The following ZNF462 variants were observed in gnomAD, a reference collection of about 807,000 sequenced individuals.
ZNF462 encodes the protein zinc finger PBX1-interacting protein.
Under a neutral mutation model 201.9 loss-of-function variants are expected in ZNF462, and 10 were observed. The ratio of observed to expected loss-of-function variants is 0.05; its 90% CI spans 0.03 to 0.08. The LOEUF (loss-of-function observed/expected upper bound fraction) is 0.08, where lower values mean the gene tolerates loss of function less well. Ranked by LOEUF, ZNF462 falls within the 10% of genes least tolerant of loss-of-function variation. The probability of loss-of-function intolerance (pLI) is 1.00; values close to 1 mark genes in which losing one functional copy is unlikely to be tolerated. For missense variants in ZNF462, 2,523 were observed against 3,168.3 expected (o/e 0.80, Z 4.89); for synonymous variants, 1,227 against 1,193.3 (o/e 1.03, Z -0.58).
At chr9:106,969,842 A>G (rs573434515) in intron 7 of ZNF462, among the ~76,000 whole-genome samples, 16 of 152,296 alleles carry the variant, frequency 1.1e-4, no homozygotes, top group African/African-American at 3.8e-4. Context: ...CTGCAGAGCT[A>G]AGAGTGCAAA....
rs1344766549 is a variant in ZNF462 at position 106,917,725 on chromosome 9, G to C, written c.-30-5629G>C. 6.6e-6 allele frequency among the ~76,000 whole-genome samples: 1 copy of C among 152,132 alleles called. No homozygotes were observed. The highest frequency in any genetic ancestry group is 1.5e-5 in the Non-Finnish European group (1 of 68,028). On this transcript the variant is annotated intron_variant, in intron 1 of 12. Transcript: ENST00000277225. This position sits in a 1 kb window ranked among gnomAD's most constrained non-coding sequence, Gnocchi z 4.5. ...TAGCAAAAAGTATAAACATTTGATAGGTCATTTGAAGACTACATGGTGAGC... is the reference window on the plus strand; with the variant it reads ...TAGCAAAAAGTATAAACATTTGATACGTCATTTGAAGACTACATGGTGAGC...
At position 106,908,903 on chromosome 9, in the gene ZNF462, A is replaced by G. The variant is rs186302386; in HGVS notation, c.-30-14451A>G. Among the ~76,000 whole-genome samples, 297 of 71,236 alleles carry G rather than the reference A, an allele frequency of 4.2e-3. 2 individuals are homozygous for G. Among genetic ancestry groups the G allele is most frequent in the African/African-American group, 0.02 (282 of 14,042 alleles). The allele number at this position is 71,236 out of a possible 152,430, so 46.7% of individuals were successfully genotyped here. A position where few individuals can be genotyped will look rare whatever the true frequency, so the allele number is the denominator to read the frequency against. ...CTGTGAAAGTTGAGAATATTTGCCC[A>G]TATATACATATATATATATATATAT... On this transcript the variant is annotated intron_variant, in intron 1 of 12. Transcript: ENST00000277225.
At position 106,927,941 on chromosome 9, in the gene ZNF462, C is replaced by T. The variant is rs770564720; in HGVS notation, c.4029C>T (p.Thr1343=). Residue 1343 remains threonine (T), a synonymous_variant, in exon 3 of 13, where the codon ACC becomes ACT. Coordinates refer to ENST00000277225, the MANE Select transcript of ZNF462 (RefSeq NM_021224.6). ...ATCCAGAACACTATGTTGATTACAC[C>T]TACATGGCTACTAAACTGTGGGCTG... ...RRHPEHYVDY[T]YMATKLWAGP... is the part of the protein sequence containing the mutation. The T allele has an allele frequency of 6.2e-7, 1 of 1,614,176 alleles. No individual in the cohort carries two copies. The highest frequency in any genetic ancestry group is 8.5e-7 in the Non-Finnish European group (1 of 1,180,044).
rs367596792 is a variant in ZNF462, at chr9:106,932,453, G to A, written c.6020G>A (p.Arg2007His). Residue 2007 changes from arginine (R) to histidine (H), a missense_variant, in exon 5 of 13, where the codon CGT (arginine) becomes CAT (histidine). Coordinates refer to ENST00000277225, the MANE Select transcript of ZNF462 (RefSeq NM_021224.6). The surrounding 1 kb of genome is among the most constrained non-coding windows in gnomAD (Gnocchi z 6.8). ...PAVSAAVKGL[R>H]SHERSHLALA... ...GTCCTGATGTCCATGCAGGGGCTGC[G>A]TTCTCATGAGAGGAGCCACCTGGCC... 6 of 1,614,134 alleles carry A rather than the reference G, an allele frequency of 3.7e-6. No individual in the cohort carries two copies. Among genetic ancestry groups the A allele is most frequent in the African/African-American group, 2.7e-5 (2 of 74,948 alleles).
intron 7 of ZNF462, among the ~76,000 whole-genome samples, chr9:106,969,070 C>T (rs1268599476): frequency 2.0e-5 from 3 of 152,046 alleles, no homozygotes; most frequent in East Asian, 1.9e-4. Flanking sequence ...ACAAATTCCA[C>T]GTGAGCGAGA....
At chr9:106,896,408 A>G (rs1828814924) in intron 1 of ZNF462, among the ~76,000 whole-genome samples, 1 of 152,282 alleles carries the variant, frequency 6.6e-6, no homozygotes, top group East Asian at 1.9e-4. Flanking sequence ...TGTGAGGTAG[A>G]GTGGACCTTA....
At chr9:106,915,529 C>T (rs770468835) in intron 1 of ZNF462, among the ~76,000 whole-genome samples, 1 of 152,150 alleles carries the variant, frequency 6.6e-6, no homozygotes, top group Non-Finnish European at 1.5e-5. Flanking sequence ...ATATTCCAGT[C>T]CCATATAGAA....
intron 1 of ZNF462, among the ~76,000 whole-genome samples, chr9:106,901,505 G>A (rs778125594): frequency 1.8e-4 from 28 of 152,136 alleles, no homozygotes; most frequent in African/African-American, 6.8e-4. Context: ...ATTGCTTTTG[G>A]CAGTATGGTC....
chr9:106,955,809 G>A (rs1831548561), intron 7 of ZNF462, among the ~76,000 whole-genome samples: 1 of 152,088 alleles, frequency 6.6e-6, no homozygotes, highest in African/African-American at 2.4e-5. Flanking sequence ...CACTTTCTTT[G>A]TTCCTCTATA....
At chr9:106,936,435 T>C (rs529357719) in intron 6 of ZNF462, among the ~76,000 whole-genome samples, 2 of 152,312 alleles carry the variant, frequency 1.3e-5, no homozygotes, top group South Asian at 4.1e-4. Flanking sequence ...CAGCTCCTCA[T>C]GCTCTGTGTA....
At chr9:106,896,344 A>T (rs578024418) in intron 1 of ZNF462, among the ~76,000 whole-genome samples, 10 of 152,278 alleles carry the variant, frequency 6.6e-5, no homozygotes, top group South Asian at 2.1e-4. Context: ...TGATTTTTTT[A>T]AAAAATGAGG....
intron 10 of ZNF462, among the ~76,000 whole-genome samples, chr9:107,001,345 C>T (rs1232216639): frequency 6.6e-6 from 1 of 152,086 alleles, no homozygotes; most frequent in East Asian, 1.9e-4. Context: ...TTGTTGTAAG[C>T]ATTCCCAAGA....
At position 107,007,689 on chromosome 9, in the gene ZNF462, C is replaced by T. The variant is rs189147821; in HGVS notation, c.7190-1856C>T. Among the ~76,000 whole-genome samples, 15 of 152,252 alleles carry T rather than the reference C, an allele frequency of 9.9e-5. No individual in the cohort carries two copies. The East Asian group carries it at 2.9e-3, about 30-fold the overall frequency. ...GTATTCTTGGCAGGAAAAAGAAATA[C>T]ACACAATAGCCTCGGGTGTTTCTGC... On this transcript the variant is annotated intron_variant, in intron 11 of 12. Coordinates refer to ENST00000277225, the MANE Select transcript of ZNF462 (RefSeq NM_021224.6).
intron 1 of ZNF462, among the ~76,000 whole-genome samples, chr9:106,891,721 C>T (rs1172995068): frequency 6.6e-6 from 1 of 152,146 alleles, no homozygotes; most frequent in Non-Finnish European, 1.5e-5. Flanking sequence ...GAAAAGGTGA[C>T]GTTTCTTGAT....
upstream of ZNF462, among the ~76,000 whole-genome samples, chr9:106,861,358 C>T (rs1196468097): frequency 3.3e-5 from 5 of 152,142 alleles, no homozygotes; most frequent in Admixed American, 2.0e-4. Flanking sequence ...AGGTATATAT[C>T]TTCTCGGACT....
intron 10 of ZNF462, among the ~76,000 whole-genome samples, chr9:106,986,328 T>C (rs1827828357): frequency 6.6e-6 from 1 of 152,208 alleles, no homozygotes; most frequent in African/African-American, 2.4e-5. Context: ...TTTAATCTTG[T>C]CTCCACCATT....
rs1323146083 is a variant in ZNF462 at position 106,970,753 on chromosome 9, A to G, written c.6428-1252A>G. 6.6e-6 allele frequency among the ~76,000 whole-genome samples: 1 copy of G among 152,232 alleles called. No homozygotes were observed. Among genetic ancestry groups the G allele is most frequent in the Non-Finnish European group, 1.5e-5 (1 of 68,050 alleles). The stretch of plus-strand genomic sequence containing the variant: ...AATTTCTAACCTCCACATTGCAAGC[A>G]GCATGTTGGGAAAAGGTTCAAGACC... On this transcript the variant is annotated intron_variant, in intron 7 of 12. Coordinates refer to ENST00000277225, the MANE Select transcript of ZNF462 (RefSeq NM_021224.6). This position sits in a 1 kb window ranked among gnomAD's most constrained non-coding sequence, Gnocchi z 4.2.
rs1377896873 is a variant in ZNF462 at position 106,870,767 on chromosome 9, C to A, written c.-31+7412C>A. 1.3e-5 allele frequency among the ~76,000 whole-genome samples: 2 copies of A among 152,148 alleles called. No homozygotes were observed. The highest frequency in any genetic ancestry group is 4.8e-5 in the African/African-American group (2 of 41,434). On this transcript the variant is annotated intron_variant, in intron 1 of 12. Coordinates refer to ENST00000277225, the MANE Select transcript of ZNF462 (RefSeq NM_021224.6). This position sits in a 1 kb window ranked among gnomAD's most constrained non-coding sequence, Gnocchi z 4.3. ...GTAGGCCCAGGTGAGACAACTGTGT[C>A]AGAAGTAATAAAGCCCAGGATTTGT...
At chr9:107,002,358 A>G (rs932114806) in intron 10 of ZNF462, among the ~76,000 whole-genome samples, 4 of 152,110 alleles carry the variant, frequency 2.6e-5, no homozygotes, top group Admixed American at 6.6e-5. Flanking sequence ...AACACCTTAC[A>G]TAGAAGGCGT....
Sources: gnomAD v4.1 joint callset for allele counts (sites outside exome capture counted in the v4.1 genomes callset) on GRCh38, gnomAD v4.1.1 for gene constraint, Gnocchi (gnomAD v3.1) non-coding constraint, MANE v1.5 for transcripts, NCBI Gene and HGNC (gene_info 2026-07-23, HGNC 2026-07-21) for gene names.